Variants in PLEKHA5 observed in about 807,000 individuals in gnomAD.
The protein encoded by PLEKHA5 is pleckstrin homology domain containing A5.
A neutral mutation model predicts 181.9 loss-of-function variants in PLEKHA5; 55 were observed. That is an observed-to-expected ratio of 0.30 (90% CI 0.24 to 0.38). PLEKHA5 has a LOEUF of 0.38. Ranked by LOEUF, PLEKHA5 falls within the 10% of genes least tolerant of loss-of-function variation. The probability of loss-of-function intolerance (pLI) is 1.00; values close to 1 mark genes in which losing one functional copy is unlikely to be tolerated. For missense variants in PLEKHA5, 1,432 were observed against 1,549.5 expected (o/e 0.92, Z 1.27); for synonymous variants, 535 against 529.4 (o/e 1.01, Z -0.15).
rs977515006 is a variant in PLEKHA5 at position 19,365,934 on chromosome 12, A to G, written c.3609-30A>G. On this transcript the variant is annotated intron_variant, in intron 29 of 31. Coordinates refer to ENST00000429027, the MANE Select transcript of PLEKHA5 (RefSeq NM_001256470.2). ...AAATTAATTGTATTCTATAGTGACA[A>G]ATTTTTAAATACCAATCTATTTTCA... is the stretch of plus-strand genomic sequence containing the variant. 9 of 1,549,408 alleles carry G rather than the reference A, an allele frequency of 5.8e-6. No individual in the cohort carries two copies. In the African/African-American group the frequency reaches 7.0e-5, roughly 12 times the overall value.
intron 30 of PLEKHA5, 57 bp from the exon 31 acceptor site, chr12:19,369,636 T>A: frequency 9.6e-7 from 1 of 1,036,558 alleles, no homozygotes; most frequent in Non-Finnish European, 1.5e-6. Flanking sequence ...CAGGATTTAC[T>A]TCTCCAAATG....
chr12:19,307,384 A>C (rs2084338700), intron 15 of PLEKHA5: 2 of 269,488 alleles, frequency 7.4e-6, no homozygotes. Flanking sequence ...AGGCAGGAGA[A>C]TCGCCTGAAT....
At chr12:19,231,967 A>AGG (rs1231641861) in intron 3 of PLEKHA5, among the ~76,000 whole-genome samples, 1 of 152,112 alleles carries the variant, frequency 6.6e-6, no homozygotes, top group Non-Finnish European at 1.5e-5. Context: ...AATATGCCAA[A>AGG]GGGGATATAA....
rs57809332 is a variant in PLEKHA5, at chr12:19,356,662, C to CTTTTT, written c.3139-1548_3139-1544dup. Among the ~76,000 whole-genome samples the CTTTTT allele has an allele frequency of 2.9e-4, 29 of 99,832 alleles. 1 individual carries two copies. The highest frequency in any genetic ancestry group is 3.7e-4 in the South Asian group (1 of 2,716). The allele number at this position is 99,832 out of a possible 152,430, so 65.5% of individuals were successfully genotyped here. On this transcript the variant is annotated intron_variant, in intron 26 of 31. Transcript: ENST00000429027. ...GGTGGAAGAAGAGGAAGTTGTTTTTCTTTTTTTTTTTTTTTTTTTTTTGAG... is the reference window on the plus strand; with the variant it reads ...GGTGGAAGAAGAGGAAGTTGTTTTTCTTTTTTTTTTTTTTTTTTTTTTTTTTTGAG...
intron 29 of PLEKHA5, among the ~76,000 whole-genome samples, chr12:19,365,084 A>G (rs1008910365): frequency 6.6e-6 from 1 of 152,124 alleles, no homozygotes; most frequent in African/African-American, 2.4e-5. Context: ...AAAATCATAT[A>G]ACTTTGGCCA....
intron 3 of PLEKHA5, among the ~76,000 whole-genome samples, chr12:19,156,592 G>A (rs548934697): frequency 1.3e-5 from 2 of 151,912 alleles, no homozygotes; most frequent in East Asian, 2.0e-4. Context: ...CTCCCCAGCA[G>A]CAATTTTTCA....
intron 7 of PLEKHA5, among the ~76,000 whole-genome samples, chr12:19,261,652 A>G (rs1215210910): frequency 1.3e-5 from 2 of 152,228 alleles, no homozygotes. Flanking sequence ...TGTCTCAGCT[A>G]TAGTATAAAA....
chr12:19,358,813 C>T (rs1400977046), intron 27 of PLEKHA5, among the ~76,000 whole-genome samples: 2 of 152,194 alleles, frequency 1.3e-5, no homozygotes, highest in East Asian at 1.9e-4. Flanking sequence ...ATATGTATTG[C>T]TCTGTGTCCT....
chr12:19,328,311 C>G (rs974697564), intron 20 of PLEKHA5, among the ~76,000 whole-genome samples: 4 of 151,994 alleles, frequency 2.6e-5, no homozygotes, highest in African/African-American at 9.7e-5. Flanking sequence ...TGTTTGGACT[C>G]TTGGTTCAAT....
chr12:19,135,227 G>C (rs916347540), intron 3 of PLEKHA5, among the ~76,000 whole-genome samples: 2 of 152,114 alleles, frequency 1.3e-5, no homozygotes, highest in African/African-American at 4.8e-5. Flanking sequence ...TTACCAGAAA[G>C]AATTTATCTC....
rs144721984 is a variant in PLEKHA5, at chr12:19,282,835, G to A, written c.1314-445G>A. Among the ~76,000 whole-genome samples the A allele has an allele frequency of 2.7e-3, 409 of 152,000 alleles. 3 individuals carry two copies. The highest frequency in any genetic ancestry group is 9.5e-3 in the African/African-American group (393 of 41,450). Reference sequence around the variant, plus strand: ...TATCTTGTATTAAGTGTGTTAAATCGAATTTCATTAAAAAGATTAAAATCT... The same window carrying A: ...TATCTTGTATTAAGTGTGTTAAATCAAATTTCATTAAAAAGATTAAAATCT... On this transcript the variant is annotated intron_variant, in intron 11 of 31. Coordinates refer to ENST00000429027, the MANE Select transcript of PLEKHA5 (RefSeq NM_001256470.2).
intron 3 of PLEKHA5, among the ~76,000 whole-genome samples, chr12:19,177,165 C>T (rs1378689623): frequency 1.3e-5 from 2 of 151,998 alleles, no homozygotes; most frequent in Non-Finnish European, 2.9e-5. Context: ...CACGCAGGGC[C>T]CACATATTTA....
At position 19,352,108 on chromosome 12, in the gene PLEKHA5, G is replaced by A. The variant is rs868017981; in HGVS notation, c.3020-1776G>A. Among the ~76,000 whole-genome samples the A allele has an allele frequency of 5.3e-5, 8 of 151,074 alleles. No individual in the cohort carries two copies. In the South Asian group the frequency reaches 8.4e-4, roughly 16 times the overall value. ...AAAAAAAAAAAAAAAGACTGGCTGG[G>A]CCTAGTGGCACGCGCTTGTAATCCC... On this transcript the variant is annotated intron_variant, in intron 25 of 31. Transcript: ENST00000429027.
At chr12:19,191,680 C>G (rs965003657) in intron 3 of PLEKHA5, among the ~76,000 whole-genome samples, 3 of 152,100 alleles carry the variant, frequency 2.0e-5, no homozygotes, top group Non-Finnish European at 2.9e-5. Context: ...CAGGAATTCT[C>G]AAGCTGCTTG....
intron 3 of PLEKHA5, among the ~76,000 whole-genome samples, chr12:19,203,282 G>A (rs1158623172): frequency 6.6e-6 from 1 of 152,004 alleles, no homozygotes; most frequent in South Asian, 2.1e-4. Context: ...CTGTTTTTCT[G>A]TCTGTCTCTT....
chr12:19,241,759 TAA>T (rs11357680), intron 3 of PLEKHA5, among the ~76,000 whole-genome samples: 186 of 143,758 alleles, frequency 1.3e-3, no homozygotes, highest in Admixed American at 2.0e-3. Context: ...AGATTCCATC[TAA>T]AAAAAAAAAA....
chr12:19,223,412 G>A (rs111663459), intron 3 of PLEKHA5, among the ~76,000 whole-genome samples: 3,045 of 152,044 alleles, frequency 0.02, 43 homozygotes, highest in Non-Finnish European at 0.03. Context: ...AGTTGTTTTC[G>A]TTGTGAGATC....
chr12:19,209,943 C>T (rs1448403797), intron 3 of PLEKHA5, among the ~76,000 whole-genome samples: 1 of 152,152 alleles, frequency 6.6e-6, no homozygotes. Context: ...TCTCATCAAA[C>T]AAAGGAATTT....
At chr12:19,154,698 G>A (rs1446022758) in intron 3 of PLEKHA5, 1 of 152,186 alleles carries the variant, frequency 6.6e-6, no homozygotes, top group African/African-American at 2.4e-5. Context: ...GAAGCAGAAT[G>A]TTTGGTGTGT....
Sources: gnomAD v4.1 joint callset for allele counts (sites outside exome capture counted in the v4.1 genomes callset) on GRCh38, gnomAD v4.1.1 for gene constraint, MANE v1.5 for transcripts, NCBI Gene and HGNC (gene_info 2026-07-23, HGNC 2026-07-21) for gene names.